CENPE: variants seen among roughly 807,000 people sequenced by gnomAD.
The protein encoded by CENPE is centromere protein E.
Under a neutral mutation model 336.1 loss-of-function variants are expected in CENPE, and 145 were observed. That is an observed-to-expected ratio of 0.43 (90% CI 0.38 to 0.50). CENPE has a LOEUF of 0.50. CENPE is among the 20% of genes least tolerant of loss of function. CENPE has a pLI of 0.00. For missense variants in CENPE, 2,719 were observed against 3,023.3 expected, an observed-to-expected ratio of 0.90 and a Z score of 2.36; for synonymous variants, 1,013 against 984.8, an observed-to-expected ratio of 1.03 and a Z score of -0.54.
intron 8 of CENPE, among the ~76,000 whole-genome samples, chr4:103,188,923 A>T (rs1490841847): frequency 7.2e-5 from 11 of 152,198 alleles, no homozygotes; most frequent in Non-Finnish European, 1.5e-5. Context: ...AAAAGAGAGA[A>T]GAATCAAATA....
chr4:103,145,987 T>C lies in CENPE; in HGVS notation c.4255A>G (p.Ile1419Val). 2 of 1,613,994 alleles carry C rather than the reference T, an allele frequency of 1.2e-6. No individual in the cohort carries two copies. Among genetic ancestry groups the C allele is most frequent in the Non-Finnish European group, 1.7e-6 (2 of 1,179,940 alleles). Residue 1419 changes from isoleucine (I) to valine (V), a missense_variant, in exon 30 of 49, where the codon ATA becomes GTA. By Grantham distance (29) the Ile-to-Val change is conservative (BLOSUM62 3). Transcript: ENST00000265148. ...GACAATCCGAGCATTTCTATTTCTA[T>C]CCTTAGTAGTGCTGAATCTTTGGGT... ...FKPKDSALLR[I>V]EIEMLGLSKR...
intron 8 of CENPE, among the ~76,000 whole-genome samples, chr4:103,189,534 C>T (rs1244211635): frequency 2.0e-5 from 3 of 152,130 alleles, no homozygotes; most frequent in Non-Finnish European, 4.4e-5. Context: ...GAACCAAAGA[C>T]AAAAACCACA....
chr4:103,112,233 TAAG>T (rs1018442416), intron 46 of CENPE, among the ~76,000 whole-genome samples: 9 of 148,146 alleles, frequency 6.1e-5, no homozygotes, highest in African/African-American at 2.0e-4. Flanking sequence ...TGTAAATATA[TAAG>T]TATTATATAT....
intron 9 of CENPE, 135 bp from the exon 10 acceptor site, chr4:103,183,423 C>A (rs931365571): frequency 3.0e-5 from 18 of 593,624 alleles, no homozygotes; most frequent in African/African-American, 3.8e-5. Context: ...ATGAGCCCAT[C>A]TTTAATATCA....
At chr4:103,175,075 A>G (rs1383177877) in intron 15 of CENPE, among the ~76,000 whole-genome samples, 172 bp from the exon 16 acceptor site, 1 of 152,036 alleles carries the variant, frequency 6.6e-6, no homozygotes, top group African/African-American at 2.4e-5. Context: ...AAGAAGGAGA[A>G]TTTTAAAAAT....
chr4:103,132,870 A>C lies in CENPE; in HGVS notation c.6747T>G (p.Ser2249Arg). The change falls in exon 42 of 49, where the codon AGT becomes AGG. Residue 2249 changes from serine to arginine, a missense_variant. Physicochemically the swap from Ser to Arg is moderately radical, Grantham distance 110. Around this residue, in one of 5 missense-constraint regions of CENPE, gnomAD observed 2,437 missense variants for 2,513.3 expected, o/e 0.97. Transcript: ENST00000265148. ...ATTCAGTCTTTATGCTAGGGAACTC[A>C]CTTTCTGAGAAATCTTTGAGAATTT... ...IEEILKDFSE[S>R]EFPSIKTEFQ... 6.8e-7 allele frequency: 1 copy of C among 1,464,576 alleles called. No homozygotes were observed. The highest frequency in any genetic ancestry group is 9.1e-7 in the Non-Finnish European group (1 of 1,103,096). The allele number at this position is 1,464,576 out of a possible 1,614,324, so 90.7% of individuals were successfully genotyped here. A position where few individuals can be genotyped will look rare whatever the true frequency, so the allele number is the denominator to read the frequency against.
chr4:103,130,895 C>T (rs1207409782), intron 42 of CENPE, among the ~76,000 whole-genome samples: 2 of 133,008 alleles, frequency 1.5e-5, no homozygotes, highest in Non-Finnish European at 3.1e-5. Context: ...TGTGCTGAAT[C>T]TGGACTTCTA....
intron 42 of CENPE, among the ~76,000 whole-genome samples, chr4:103,130,910 CGA>C (rs1560607788): frequency 1.1e-4 from 10 of 94,218 alleles, no homozygotes; most frequent in Admixed American, 2.0e-4. Flanking sequence ...CTTCTACAAG[CGA>C]AAAAAAAAAA....
intron 48 of CENPE, among the ~76,000 whole-genome samples, chr4:103,108,167 C>T (rs1027709654): frequency 6.6e-6 from 1 of 151,986 alleles, no homozygotes; most frequent in Admixed American, 6.6e-5. Context: ...TAGATCTGAT[C>T]TGTTTCCTTC....
chr4:103,190,971 C>T (rs569733485), intron 8 of CENPE, among the ~76,000 whole-genome samples: 97 of 151,324 alleles, frequency 6.4e-4, no homozygotes, highest in African/African-American at 2.1e-3. Context: ...ACAACCACAT[C>T]GACAAGTGGG....
At position 103,148,325 on chromosome 4, in the gene CENPE, A is replaced by G. The variant is rs77065126; in HGVS notation, c.3843+519T>C. On this transcript the variant is annotated intron_variant, in intron 28 of 48. Transcript: ENST00000265148. The stretch of plus-strand genomic sequence containing the variant: ...GATCTCCATTTTCAGATGGGCTCCA[A>G]TGCTATGTCTCAATTTTTCTATGTG... 9.2e-5 allele frequency among the ~76,000 whole-genome samples: 14 copies of G among 152,326 alleles called. No individual in the cohort carries two copies. The East Asian group carries it at 2.3e-3, about 25-fold the overall frequency.
At chr4:103,157,812 G>A (rs1289758958) in intron 24 of CENPE, among the ~76,000 whole-genome samples, 1 of 151,810 alleles carries the variant, frequency 6.6e-6, no homozygotes, top group African/African-American at 2.4e-5. Flanking sequence ...TATTTCACCA[G>A]TCTCCTATTG....
At chr4:103,146,271 T>A (rs535254628) in intron 29 of CENPE, among the ~76,000 whole-genome samples, 164 bp from the exon 30 acceptor site, 2 of 152,346 alleles carry the variant, frequency 1.3e-5, no homozygotes, top group African/African-American at 4.8e-5. Context: ...CATTTAATGC[T>A]TTTTAAAAAT....
intron 24 of CENPE, among the ~76,000 whole-genome samples, chr4:103,154,023 A>T (rs1449146459): frequency 6.6e-6 from 1 of 152,204 alleles, no homozygotes. Flanking sequence ...GTAACCTAAT[A>T]CGTGAACTTA....
At chr4:103,139,708 G>T (rs913561521) in intron 38 of CENPE, 81 bp downstream of exon 38, 1 of 1,288,026 alleles carries the variant, frequency 7.8e-7, no homozygotes, top group Non-Finnish European at 1.1e-6. Context: ...TCCAGAGAAA[G>T]AAATAAAAAC....
chr4:103,159,353 G>A (rs762129322), intron 21 of CENPE, 29 bp from the exon 22 acceptor site: 2 of 1,248,140 alleles, frequency 1.6e-6, no homozygotes, highest in Non-Finnish European at 2.1e-6. Flanking sequence ...ATTTAGGGAT[G>A]TTAGCAACAT....
In CENPE at chr4:103,146,041, T is replaced by G. The variant is rs1753026479; in HGVS notation, c.4201A>C (p.Lys1401Gln). The stretch of plus-strand genomic sequence containing the variant: ...AATTGCTCCATCTCACTCACGATTT[T>G]GGTAGTTTCATTGTCTTTTTCTTTC... ...NMKEKDNETT[K>Q]IVSEMEQFKP... Residue 1401 changes from lysine (K) to glutamine (Q), a missense_variant, in exon 30 of 49, where the codon AAA becomes CAA. Transcript: ENST00000265148. The G allele has an allele frequency of 6.2e-7, 1 of 1,613,848 alleles. No homozygotes were observed. The highest frequency in any genetic ancestry group is 1.3e-5 in the African/African-American group (1 of 74,926).
intron 4 of CENPE, 54 bp downstream of exon 4, chr4:103,195,866 C>G: frequency 9.9e-7 from 1 of 1,006,702 alleles, no homozygotes; most frequent in Non-Finnish European, 1.6e-6. Context: ...AGACTGGTAC[C>G]CAGTTTTTAC....
intron 45 of CENPE, among the ~76,000 whole-genome samples, chr4:103,116,061 C>CTATA (rs1427302150): frequency 6.6e-6 from 1 of 152,100 alleles, no homozygotes; most frequent in Non-Finnish European, 1.5e-5. Context: ...TTTCATTATG[C>CTATA]TATACCACAA....
Sources: gnomAD v4.1 joint callset for allele counts (sites outside exome capture counted in the v4.1 genomes callset) on GRCh38, gnomAD v4.1.1 for gene constraint, gnomAD v4.1.1 regional missense constraint, MANE v1.5 for transcripts, NCBI Gene and HGNC (gene_info 2026-07-23, HGNC 2026-07-21) for gene names.